Variants in TRERF1 observed in about 807,000 individuals in gnomAD.
TRERF1 encodes transcriptional-regulating factor 1.
In TRERF1, 27 loss-of-function variants were observed where a neutral mutation model predicts 122.9. That is an observed-to-expected ratio of 0.22 (90% CI 0.16 to 0.30). The LOEUF is 0.30. Ranked by LOEUF, TRERF1 falls within the 10% of genes least tolerant of loss-of-function variation. TRERF1 has a pLI of 1.00. For synonymous variants in TRERF1, 636 were observed against 641.7 expected (o/e 0.99, Z 0.13); for missense variants, 1,248 against 1,560.3 (o/e 0.80, Z 3.37).
chr6:42,262,524 A>G (rs1203775506), intron 8 of TRERF1, among the ~76,000 whole-genome samples: 1 of 47,582 alleles, frequency 2.1e-5, no homozygotes, highest in African/African-American at 6.5e-5. Context: ...AGAGAGAGAG[A>G]GAGAGAGAGA....
Position 42,403,987 on chromosome 6 carries a change from G to C in TRERF1, c.-453-40908C>G, listed in dbSNP as rs538981313. On this transcript the variant is annotated intron_variant, in intron 2 of 17. Transcript: ENST00000372922. ...TGCAGAGAACCTAGCTCCCAACTTG[G>C]TGCCAGGCATGTATGGGGCACTCCG... is the stretch of plus-strand genomic sequence containing the variant. 2.9e-3 allele frequency among the ~76,000 whole-genome samples: 442 copies of C among 152,104 alleles called. 3 individuals carry two copies. The highest frequency in any genetic ancestry group is 0.01 in the African/African-American group (426 of 41,480).
At position 42,433,799 on chromosome 6, in the gene TRERF1, C is replaced by T. The variant is rs1331503490; in HGVS notation, c.-454+17378G>A. On this transcript the variant is annotated intron_variant, in intron 2 of 17. Coordinates refer to ENST00000372922, the Ensembl canonical transcript of TRERF1. ...TTGGGAGGCAAAGGCAGGAGGATCACTTGAGGTCAGGAGTTCAAGACCAGC... is the reference window on the plus strand; with the variant it reads ...TTGGGAGGCAAAGGCAGGAGGATCATTTGAGGTCAGGAGTTCAAGACCAGC... 3.3e-5 allele frequency among the ~76,000 whole-genome samples: 5 copies of T among 152,110 alleles called. No individual in the cohort carries two copies. The South Asian group carries it at 1.0e-3, about 32-fold the overall frequency.
chr6:42,414,442 T>A (rs1190851989), intron 2 of TRERF1, among the ~76,000 whole-genome samples: 1 of 152,262 alleles, frequency 6.6e-6, no homozygotes, highest in Non-Finnish European at 1.5e-5. Flanking sequence ...GATATCGTTT[T>A]GTGCGTTTTC....
Position 42,259,468 on chromosome 6 carries a change from G to T in TRERF1, c.2140C>A (p.Leu714Met). The T allele has an allele frequency of 6.2e-7, 1 of 1,607,956 alleles. No individual in the cohort carries two copies. The highest frequency in any genetic ancestry group is 8.5e-7 in the Non-Finnish European group (1 of 1,179,212). ...CCCGAGCCCTGGCGCACCGGGCTCA[G>T]CATGGGTGGGGGCGTGTAAGGGGGC... Residue 714 changes from leucine (L) to methionine (M), a missense_variant, in exon 9 of 18, where the codon CTG becomes ATG. Around this residue, in one of 5 missense-constraint regions of TRERF1, gnomAD observed 946 missense variants for 1,073.0 expected, o/e 0.88. Coordinates refer to ENST00000372922, the Ensembl canonical transcript of TRERF1. This position sits in a 1 kb window ranked among gnomAD's most constrained non-coding sequence, Gnocchi z 4.9.
At chr6:42,286,126 A>C (rs1213352873) in intron 4 of TRERF1, among the ~76,000 whole-genome samples, 2 of 149,270 alleles carry the variant, frequency 1.3e-5, no homozygotes, top group Non-Finnish European at 3.0e-5. Flanking sequence ...CTTACACCTT[A>C]TACAAAAATC....
intron 3 of TRERF1, among the ~76,000 whole-genome samples, chr6:42,345,564 T>C (rs1328016724): frequency 1.3e-5 from 2 of 152,264 alleles, no homozygotes; most frequent in African/African-American, 4.8e-5. Context: ...GCTATTTCAC[T>C]GCCTCTCCAG....
At chr6:42,407,007 T>C (rs1780274850) in intron 2 of TRERF1, among the ~76,000 whole-genome samples, 1 of 152,180 alleles carries the variant, frequency 6.6e-6, no homozygotes, top group African/African-American at 2.4e-5. Context: ...CATTTCAACA[T>C]GAAGAAACAG....
intron 2 of TRERF1, among the ~76,000 whole-genome samples, chr6:42,438,953 T>A (rs573996876): frequency 2.5e-4 from 38 of 149,464 alleles, no homozygotes; most frequent in African/African-American, 8.6e-4. Flanking sequence ...ACCAACAGAG[T>A]GGAGAGTGGA....
At chr6:42,351,296 G>T (rs1316489691) in intron 3 of TRERF1, among the ~76,000 whole-genome samples, 1 of 152,062 alleles carries the variant, frequency 6.6e-6, no homozygotes, top group African/African-American at 2.4e-5. Context: ...ATAATCAGAG[G>T]AATACTCCAA....
intron 4 of TRERF1, among the ~76,000 whole-genome samples, chr6:42,273,790 T>C (rs534800838): frequency 2.0e-5 from 3 of 152,238 alleles, no homozygotes; most frequent in Non-Finnish European, 4.4e-5. Context: ...CACTTAGCCT[T>C]CCTTAAAAGG....
chr6:42,256,250 G>T (rs1776724542), intron 12 of TRERF1, among the ~76,000 whole-genome samples: 2 of 152,188 alleles, frequency 1.3e-5, no homozygotes. Flanking sequence ...GTTAAAAGTG[G>T]AAGAATGGAA....
chr6:42,260,854 C>CA (rs1388069469), intron 8 of TRERF1, among the ~76,000 whole-genome samples: 1 of 152,192 alleles, frequency 6.6e-6, no homozygotes, highest in Non-Finnish European at 1.5e-5. Context: ...CCTCTCCCTC[C>CA]AGAGCTTCAG....
chr6:42,396,213 C>T (rs778976242), intron 2 of TRERF1, among the ~76,000 whole-genome samples: 16 of 152,174 alleles, frequency 1.1e-4, no homozygotes, highest in Non-Finnish European at 1.9e-4. Context: ...ATGGCCTCTG[C>T]GCGCTGAAGC....
intron 2 of TRERF1, among the ~76,000 whole-genome samples, chr6:42,365,294 A>G (rs535203886): frequency 6.6e-6 from 1 of 152,244 alleles, no homozygotes; most frequent in South Asian, 2.1e-4. Context: ...CTCTAGCCAG[A>G]GGCCGTGGTT....
chr6:42,255,276 G>A (rs1776526795), intron 12 of TRERF1, among the ~76,000 whole-genome samples: 2 of 152,212 alleles, frequency 1.3e-5, no homozygotes, highest in South Asian at 4.1e-4. Context: ...AAATGAGTGG[G>A]TGATCTGTAA....
Position 42,269,699 on chromosome 6 carries a change from T to C in TRERF1, c.-109A>G. 1 of 1,469,682 alleles carries C rather than the reference T, an allele frequency of 6.8e-7. No homozygotes were observed. The highest frequency in any genetic ancestry group is 9.0e-7 in the Non-Finnish European group (1 of 1,114,312). The allele number at this position is 1,469,682 out of a possible 1,614,324, so 91.0% of individuals were successfully genotyped here. Reference sequence around the variant, plus strand: ...GAAGCTGAGAGAAAAGTGTCAGCACTACTCCACGGCTGACATGTCTGTGAA... The same window carrying C: ...GAAGCTGAGAGAAAAGTGTCAGCACCACTCCACGGCTGACATGTCTGTGAA... On this transcript the variant is annotated 5_prime_UTR_variant, in exon 5 of 18. An upstream open reading frame in the 5' UTR loses its in-frame stop. Transcript: ENST00000372922. This position sits in a 1 kb window ranked among gnomAD's most constrained non-coding sequence, Gnocchi z 4.9.
intron 2 of TRERF1, among the ~76,000 whole-genome samples, chr6:42,441,423 T>C (rs971193361): frequency 3.3e-5 from 5 of 152,176 alleles, no homozygotes; most frequent in African/African-American, 1.2e-4. Flanking sequence ...AGATAAGGCC[T>C]TGAATAACTG....
chr6:42,234,549 G>T (rs1771644261), intron 16 of TRERF1, among the ~76,000 whole-genome samples: 1 of 152,022 alleles, frequency 6.6e-6, no homozygotes, highest in Non-Finnish European at 1.5e-5. Flanking sequence ...CACCATGTTG[G>T]CCAGGATGGT....
At chr6:42,397,922 C>T (rs1259925801) in intron 2 of TRERF1, among the ~76,000 whole-genome samples, 1 of 152,204 alleles carries the variant, frequency 6.6e-6, no homozygotes, top group Non-Finnish European at 1.5e-5. Flanking sequence ...TCCTTCCACT[C>T]ATCGCAGAAA....
Sources: allele counts gnomAD v4.1 joint callset (sites outside exome capture counted in the v4.1 genomes callset), GRCh38; gene constraint gnomAD v4.1.1; regional missense constraint gnomAD v4.1.1; non-coding constraint Gnocchi (gnomAD v3.1); transcripts MANE v1.5; gene names NCBI Gene and HGNC (gene_info 2026-07-23, HGNC 2026-07-21).